AMBRA1: variants seen among roughly 807,000 people sequenced by gnomAD.
AMBRA1 encodes the protein activating molecule in BECN1-regulated autophagy protein 1.
AMBRA1 carries 47 observed loss-of-function variants against 125.4 expected under a neutral mutation model. The observed-to-expected ratio is 0.37, with a 90% CI of 0.30 to 0.48. AMBRA1 has a LOEUF of 0.48. Among genes scored for constraint, AMBRA1 ranks in the 20% least tolerant of loss-of-function variants. AMBRA1 has a pLI of 0.99. For missense variants in AMBRA1, 1,331 were observed against 1,693.4 expected (o/e 0.79, Z 3.76); for synonymous variants, 626 against 655.5 (o/e 0.95, Z 0.69).
At chr11:46,549,089 AG>A (rs1177389526) in intron 1 of AMBRA1, 1 of 152,166 alleles carries the variant, frequency 6.6e-6, no homozygotes, top group Non-Finnish European at 1.5e-5. Flanking sequence ...AGGAAAGGGA[AG>A]GAAAAAAAAA....
intron 14 of AMBRA1, among the ~76,000 whole-genome samples, chr11:46,421,133 T>G (rs547682608): frequency 6.6e-6 from 1 of 150,794 alleles, no homozygotes; most frequent in Admixed American, 6.6e-5. Context: ...GACGCCAATA[T>G]GATAGATGAA....
At chr11:46,480,766 C>A (rs1028513986) in intron 11 of AMBRA1, among the ~76,000 whole-genome samples, 1 of 152,272 alleles carries the variant, frequency 6.6e-6, no homozygotes, top group South Asian at 2.1e-4. Flanking sequence ...TATATACATA[C>A]TGCAAGTCCC....
intron 5 of AMBRA1, among the ~76,000 whole-genome samples, chr11:46,544,259 T>C (rs1163153126): frequency 6.6e-6 from 1 of 152,144 alleles, no homozygotes; most frequent in Non-Finnish European, 1.5e-5. Flanking sequence ...AAAATAACGA[T>C]TTCACATGAA....
At chr11:46,469,074 C>T (rs1261487008) in intron 11 of AMBRA1, among the ~76,000 whole-genome samples, 1 of 151,920 alleles carries the variant, frequency 6.6e-6, no homozygotes, top group Non-Finnish European at 1.5e-5. Context: ...ACCTGGGAGG[C>T]GGAGGTTGCA....
Position 46,547,178 on chromosome 11 carries a change from G to T in AMBRA1, c.313C>A (p.Pro105Thr), listed in dbSNP as rs755108395. 6.2e-7 allele frequency: 1 copy of T among 1,614,198 alleles called. No individual in the cohort carries two copies. The highest frequency in any genetic ancestry group is 8.5e-7 in the Non-Finnish European group (1 of 1,180,030). ...RRTPWCVTFH[P>T]TISGLIASGC... Reference sequence around the variant, plus strand: ...GAAGCAATAAGGCCTGAGATGGTGGGATGAAAAGTGACACACCATGGAGTA... The same window carrying T: ...GAAGCAATAAGGCCTGAGATGGTGGTATGAAAAGTGACACACCATGGAGTA... Residue 105 changes from proline (P) to threonine (T), a missense_variant, in exon 4 of 18, where the codon CCC becomes ACC. By Grantham distance (38) the Pro-to-Thr change is conservative. Coordinates refer to ENST00000683756, the MANE Select transcript of AMBRA1 (RefSeq NM_001387011.1).
At chr11:46,519,258 ATATAATCCACCCACTT>A (rs148102595) in intron 7 of AMBRA1, among the ~76,000 whole-genome samples, 7,645 of 152,168 alleles carry the variant, frequency 0.05, 586 homozygotes, top group African/African-American at 0.17. Context: ...TCCTGGCCTC[ATATAATCCACCCACTT>A]TGGCCTCCCA....
chr11:46,514,619 G>A (rs1409550084), intron 7 of AMBRA1, among the ~76,000 whole-genome samples: 2 of 152,108 alleles, frequency 1.3e-5, no homozygotes, highest in Non-Finnish European at 2.9e-5. Flanking sequence ...TTACAGTTGT[G>A]TGACACAGTT....
Position 46,422,556 on chromosome 11 carries a change from T to A in AMBRA1, c.2977-4504A>T, listed in dbSNP as rs865949855. ...AAAACTAAAAGTGTCTTGTTTCTTG[T>A]TCAAAGATAGACAGGAAAAGAATGA... On this transcript the variant is annotated intron_variant, in intron 14 of 17. Coordinates refer to ENST00000683756, the MANE Select transcript of AMBRA1 (RefSeq NM_001387011.1). Among the ~76,000 whole-genome samples the A allele has an allele frequency of 3.9e-5, 6 of 152,174 alleles. No individual in the cohort carries two copies. The South Asian group carries it at 1.2e-3, about 32-fold the overall frequency.
intron 9 of AMBRA1, among the ~76,000 whole-genome samples, chr11:46,498,475 G>T (rs529772516): frequency 1.3e-5 from 2 of 152,004 alleles, no homozygotes; most frequent in South Asian, 4.2e-4. Flanking sequence ...GGAGTAGGGG[G>T]AAAAATACTT....
At chr11:46,459,714 C>T (rs1381803867) in intron 11 of AMBRA1, among the ~76,000 whole-genome samples, 1 of 146,968 alleles carries the variant, frequency 6.8e-6, no homozygotes, top group Admixed American at 6.8e-5. Context: ...CCATCTCCCT[C>T]CCAAAAAGAA....
chr11:46,408,296 T>G (rs1946121643), intron 17 of AMBRA1, among the ~76,000 whole-genome samples: 1 of 152,120 alleles, frequency 6.6e-6, no homozygotes. Flanking sequence ...GTCCTCACAT[T>G]TTAGAGGAGA....
At chr11:46,454,579 C>CAAAAAA (rs777518872) in intron 11 of AMBRA1, among the ~76,000 whole-genome samples, 1 of 50,496 alleles carries the variant, frequency 2.0e-5, no homozygotes, top group East Asian at 7.1e-4. Flanking sequence ...ACTAAAAATA[C>CAAAAAA]AAAAAAAAAA....
chr11:46,481,591 G>A (rs1464319058), intron 11 of AMBRA1, among the ~76,000 whole-genome samples: 3 of 152,130 alleles, frequency 2.0e-5, no homozygotes, highest in Admixed American at 6.6e-5. Context: ...TCGAACTCCC[G>A]ACTTCAGGTG....
At chr11:46,439,157 C>T (rs563206729) in intron 12 of AMBRA1, among the ~76,000 whole-genome samples, 31 of 151,868 alleles carry the variant, frequency 2.0e-4, no homozygotes, top group Middle Eastern at 6.8e-3. Flanking sequence ...GCCTGTAGGC[C>T]GAGTTACTTG....
At chr11:46,421,616 T>G (rs751962314) in intron 14 of AMBRA1, among the ~76,000 whole-genome samples, 2 of 152,210 alleles carry the variant, frequency 1.3e-5, no homozygotes, top group South Asian at 2.1e-4. Context: ...CTGGCCCATT[T>G]TGAAAAGCAC....
In AMBRA1 at chr11:46,397,732, TGAG is replaced by T. The variant is rs766988577; in HGVS notation, c.3612_3614del (p.Ser1205del). On this transcript the variant is annotated inframe_deletion, in exon 18 of 18. Coordinates refer to ENST00000683756, the MANE Select transcript of AMBRA1 (RefSeq NM_001387011.1). The stretch of plus-strand genomic sequence containing the variant: ...GTCCCCGAGAGGTGGAGGGCTGGGG[TGAG>T]GAGGTGTGGGCGGCACCAGGTTCAG... The T allele has an allele frequency of 2.7e-5, 44 of 1,611,818 alleles. No individual in the cohort carries two copies. Among genetic ancestry groups the T allele is most frequent in the South Asian group, 1.9e-4 (17 of 90,942 alleles).
At chr11:46,575,428 G>C (rs2043922638) in intron 1 of AMBRA1, among the ~76,000 whole-genome samples, 1 of 149,342 alleles carries the variant, frequency 6.7e-6, no homozygotes, top group African/African-American at 2.5e-5. Context: ...TTGCACTCTA[G>C]CCTGGGCAAC....
At chr11:46,535,273 G>GT (rs897879234) in intron 7 of AMBRA1, among the ~76,000 whole-genome samples, 74 of 151,968 alleles carry the variant, frequency 4.9e-4, no homozygotes, top group African/African-American at 1.8e-3. Context: ...AATTCCACCA[G>GT]TTTTTTTCAG....
intron 15 of AMBRA1, among the ~76,000 whole-genome samples, chr11:46,416,350 G>A (rs1397099068): frequency 1.3e-5 from 2 of 152,166 alleles, no homozygotes; most frequent in Admixed American, 1.3e-4. Flanking sequence ...AATGCTCTCT[G>A]GATGCTCCAG....
Sources: allele counts gnomAD v4.1 joint callset (sites outside exome capture counted in the v4.1 genomes callset), GRCh38; gene constraint gnomAD v4.1.1; transcripts MANE v1.5; gene names NCBI Gene and HGNC (gene_info 2026-07-23, HGNC 2026-07-21).